ITPR2: variants seen among roughly 807,000 people sequenced by gnomAD.
ITPR2 encodes inositol 1,4,5-trisphosphate-gated calcium channel ITPR2.
A neutral mutation model predicts 317.1 loss-of-function variants in ITPR2; 207 were observed. The ratio of observed to expected loss-of-function variants is 0.65; its 90% CI spans 0.58 to 0.73. The LOEUF (loss-of-function observed/expected upper bound fraction) is 0.73, where lower values mean the gene tolerates loss of function less well. ITPR2 is among the 30% of genes least tolerant of loss of function. The probability of loss-of-function intolerance (pLI) is 0.00; values close to 1 mark genes in which losing one functional copy is unlikely to be tolerated. For synonymous variants in ITPR2, 1,156 were observed against 1,149.1 expected, an observed-to-expected ratio of 1.01 and a Z score of -0.12; for missense variants, 2,613 against 3,284.0, an observed-to-expected ratio of 0.80 and a Z score of 4.99.
intron 55 of ITPR2, among the ~76,000 whole-genome samples, chr12:26,363,673 A>ACGGAT (rs1395538182): frequency 6.6e-6 from 1 of 152,148 alleles, no homozygotes; most frequent in Non-Finnish European, 1.5e-5. Context: ...AACCTAGATG[A>ACGGAT]CGGATTGATA....
chr12:26,382,061 C>T (rs1003192383), intron 55 of ITPR2, among the ~76,000 whole-genome samples: 9 of 152,108 alleles, frequency 5.9e-5, no homozygotes, highest in African/African-American at 1.9e-4. Flanking sequence ...ATGGGAGAAG[C>T]AAAGGGGCTT....
intron 10 of ITPR2, among the ~76,000 whole-genome samples, chr12:26,690,363 C>CTT (rs753814847): frequency 0.7 from 105,864 of 151,214 alleles, 37,227 homozygotes; most frequent in East Asian, 0.78. Flanking sequence ...AAATGGCAAG[C>CTT]GCCAGTCTTC....
At chr12:26,547,293 A>G (rs1944411844) in intron 37 of ITPR2, among the ~76,000 whole-genome samples, 1 of 152,242 alleles carries the variant, frequency 6.6e-6, no homozygotes, top group Admixed American at 6.5e-5. Flanking sequence ...CGAGAAGCAT[A>G]TGAAAAACTC....
intron 2 of ITPR2, among the ~76,000 whole-genome samples, chr12:26,781,813 G>C (rs66888168): frequency 0.2 from 30,836 of 151,394 alleles, 3,800 homozygotes; most frequent in Non-Finnish European, 0.28. Flanking sequence ...CTGCCAGCAC[G>C]GCCAGAATAT....
At chr12:26,764,277 G>C (rs966335704) in intron 2 of ITPR2, among the ~76,000 whole-genome samples, 1 of 151,972 alleles carries the variant, frequency 6.6e-6, no homozygotes, top group Admixed American at 6.5e-5. Context: ...AAAAAATCTA[G>C]ATGACCTCAA....
chr12:26,632,030 C>T lies in ITPR2; in HGVS notation c.2770G>A (p.Val924Met). The T allele has an allele frequency of 6.3e-7, 1 of 1,590,752 alleles. No homozygotes were observed. Among genetic ancestry groups the T allele is most frequent in the Non-Finnish European group, 8.5e-7 (1 of 1,170,014 alleles). ...ACCATCTGGGTCATCATCTCTCCCA[C>T]CCCATGAATGGTTCTCATCACATTG... ...GNNVMRTIHG[V>M]GEMMTQMVLS... is the part of the protein sequence containing the mutation. The change falls in exon 22 of 57, where the codon GTG becomes ATG. Residue 924 changes from valine to methionine, a missense_variant. By Grantham distance (21) the Val-to-Met change is conservative. Coordinates refer to ENST00000381340, the MANE Select transcript of ITPR2 (RefSeq NM_002223.4).
intron 55 of ITPR2, among the ~76,000 whole-genome samples, chr12:26,383,176 T>C (rs1368372775): frequency 6.6e-6 from 1 of 152,150 alleles, no homozygotes; most frequent in Non-Finnish European, 1.5e-5. Context: ...ACACACCTAC[T>C]CCCACTTCAC....
intron 45 of ITPR2, among the ~76,000 whole-genome samples, chr12:26,460,959 A>C (rs1323599143): frequency 6.6e-6 from 1 of 152,048 alleles, no homozygotes; most frequent in Non-Finnish European, 1.5e-5. Flanking sequence ...TCATCCACAC[A>C]CCTGGTTCAT....
chr12:26,375,104 T>C (rs1939297170), intron 55 of ITPR2, among the ~76,000 whole-genome samples: 2 of 152,242 alleles, frequency 1.3e-5, no homozygotes, highest in Admixed American at 1.3e-4. Context: ...TGGCATCTGT[T>C]ACTCCCTGGA....
chr12:26,410,526 T>A (rs1192009715), intron 52 of ITPR2, among the ~76,000 whole-genome samples: 3 of 152,316 alleles, frequency 2.0e-5, no homozygotes, highest in East Asian at 3.9e-4. Context: ...ACTCCGCACC[T>A]ACACTATGCT....
intron 15 of ITPR2, 130 bp from the exon 16 acceptor site, chr12:26,659,415 C>A (rs1592007186): frequency 1.3e-6 from 1 of 758,138 alleles, no homozygotes; most frequent in Non-Finnish European, 2.1e-6. Context: ...AAAAGAAAAG[C>A]AAGTAAATTT....
Position 26,374,580 on chromosome 12 carries a change from AT to A in ITPR2, c.7857+12853del, listed in dbSNP as rs145916682. Among the ~76,000 whole-genome samples, 3 of 152,358 alleles carry A rather than the reference AT, an allele frequency of 2.0e-5. No homozygotes were observed. The East Asian group carries it at 5.8e-4, about 29-fold the overall frequency. ...AGCCATATTATTTATTTAGCCAAAT[AT>A]TTTAAGTAGATGTGGGAGATTAAAC... is the stretch of plus-strand genomic sequence containing the variant. On this transcript the variant is annotated intron_variant, in intron 55 of 56. Coordinates refer to ENST00000381340, the MANE Select transcript of ITPR2 (RefSeq NM_002223.4).
intron 45 of ITPR2, among the ~76,000 whole-genome samples, chr12:26,450,546 A>G (rs1941713376): frequency 6.6e-6 from 1 of 152,196 alleles, no homozygotes; most frequent in Non-Finnish European, 1.5e-5. Context: ...GAGAAAGAAG[A>G]AAAGGCTTTC....
intron 1 of ITPR2, among the ~76,000 whole-genome samples, chr12:26,796,938 G>C (rs1482938559): frequency 6.6e-6 from 1 of 152,176 alleles, no homozygotes; most frequent in Non-Finnish European, 1.5e-5. Flanking sequence ...TCGGGAGGCT[G>C]AGGCAGGGGA....
At chr12:26,450,517 A>G (rs1301908496) in intron 45 of ITPR2, among the ~76,000 whole-genome samples, 1 of 152,194 alleles carries the variant, frequency 6.6e-6, no homozygotes, top group Non-Finnish European at 1.5e-5. Flanking sequence ...CTACCCTGTT[A>G]GTAGGGTCAG....
intron 2 of ITPR2, among the ~76,000 whole-genome samples, chr12:26,784,318 T>TC (rs1950158698): frequency 3.5e-5 from 1 of 28,308 alleles, no homozygotes; most frequent in Non-Finnish European, 7.4e-5. Flanking sequence ...CCTCTCCCTC[T>TC]GCCTCTCCCT....
chr12:26,490,159 G>T (rs1340126121), intron 39 of ITPR2, among the ~76,000 whole-genome samples: 2 of 152,168 alleles, frequency 1.3e-5, no homozygotes, highest in African/African-American at 4.8e-5. Flanking sequence ...TAAAGAATAG[G>T]ATATGATCCC....
intron 34 of ITPR2, among the ~76,000 whole-genome samples, chr12:26,569,867 C>CTCTA (rs1443576514): frequency 6.6e-6 from 1 of 152,180 alleles, no homozygotes; most frequent in African/African-American, 2.4e-5. Context: ...ATTGAACAAT[C>CTCTA]TCTACAGAGG....
intron 55 of ITPR2, among the ~76,000 whole-genome samples, chr12:26,385,925 C>A (rs1372543918): frequency 1.3e-5 from 2 of 151,856 alleles, no homozygotes; most frequent in Non-Finnish European, 2.9e-5. Flanking sequence ...TTTGTTATTC[C>A]CCCCTTCCTC....
Sources: gnomAD v4.1 joint callset for allele counts (sites outside exome capture counted in the v4.1 genomes callset) on GRCh38, gnomAD v4.1.1 for gene constraint, MANE v1.5 for transcripts, NCBI Gene and HGNC (gene_info 2026-07-23, HGNC 2026-07-21) for gene names.